The following SLC9A9 variants were observed in gnomAD, a reference collection of about 807,000 sequenced individuals.
The protein encoded by SLC9A9 is solute carrier family 9 member A9.
A neutral mutation model predicts 77.8 loss-of-function variants in SLC9A9; 62 were observed. The observed-to-expected ratio is 0.80, with a 90% CI of 0.65 to 0.98. The LOEUF is 0.98. Among genes scored for constraint, SLC9A9 ranks in the 50% least tolerant of loss-of-function variants. The pLI, the probability that SLC9A9 is intolerant of heterozygous loss-of-function variation, is 0.00. For synonymous variants in SLC9A9, 320 were observed against 283.5 expected, an observed-to-expected ratio of 1.13 and a Z score of -1.29; for missense variants, 775 against 774.9, an observed-to-expected ratio of 1.00 and a Z score of 0.00.
intron 14 of SLC9A9, among the ~76,000 whole-genome samples, chr3:143,358,786 C>T (rs2032659640): frequency 6.6e-6 from 1 of 152,182 alleles, no homozygotes; most frequent in South Asian, 2.1e-4. Context: ...TGATAGGTGG[C>T]TTTACAATTT....
At chr3:143,490,785 G>A (rs75196871) in intron 11 of SLC9A9, among the ~76,000 whole-genome samples, 1 of 152,180 alleles carries the variant, frequency 6.6e-6, no homozygotes, top group Non-Finnish European at 1.5e-5. Flanking sequence ...TCAGGAAGGT[G>A]TAAAGTGACT....
At chr3:143,701,817 A>T (rs1933809290) in intron 4 of SLC9A9, among the ~76,000 whole-genome samples, 1 of 152,222 alleles carries the variant, frequency 6.6e-6, no homozygotes, top group Non-Finnish European at 1.5e-5. Context: ...AGAATGTTAC[A>T]GAACACCAAG....
intron 12 of SLC9A9, among the ~76,000 whole-genome samples, chr3:143,453,037 T>C (rs942485035): frequency 2.0e-5 from 3 of 152,010 alleles, no homozygotes; most frequent in African/African-American, 4.8e-5. Flanking sequence ...AAGGCAAGAA[T>C]GCGAAGTGAG....
intron 4 of SLC9A9, among the ~76,000 whole-genome samples, chr3:143,704,995 A>ATTATCTATCTATC (rs1553782450): frequency 1.5e-4 from 17 of 116,034 alleles, no homozygotes; most frequent in Admixed American, 4.3e-4. Flanking sequence ...TCCATCTCAA[A>ATTATCTATCTATC]TATCTATCTA....
chr3:143,725,926 G>A (rs972856980), intron 4 of SLC9A9, among the ~76,000 whole-genome samples: 2 of 151,360 alleles, frequency 1.3e-5, no homozygotes, highest in Non-Finnish European at 2.9e-5. Flanking sequence ...TTGTGGAGTA[G>A]AAAAAGACTG....
intron 6 of SLC9A9, among the ~76,000 whole-genome samples, chr3:143,639,462 C>T (rs531524950): frequency 6.6e-6 from 1 of 152,260 alleles, no homozygotes; most frequent in South Asian, 2.1e-4. Flanking sequence ...TATTAAAGGA[C>T]ATTAGAGACA....
chr3:143,749,439 T>C (rs2006640593), intron 4 of SLC9A9, among the ~76,000 whole-genome samples: 1 of 152,204 alleles, frequency 6.6e-6, no homozygotes, highest in Non-Finnish European at 1.5e-5. Context: ...AAAAATTCCA[T>C]GTCTGGATAC....
At chr3:143,624,096 C>G (rs1028864935) in intron 6 of SLC9A9, among the ~76,000 whole-genome samples, 11 of 152,118 alleles carry the variant, frequency 7.2e-5, no homozygotes, top group Non-Finnish European at 1.5e-4. Context: ...AGACCAATAA[C>G]AGGCTCTGAA....
At chr3:143,810,792 C>T (rs760285391) in intron 2 of SLC9A9, among the ~76,000 whole-genome samples, 1 of 152,062 alleles carries the variant, frequency 6.6e-6, no homozygotes, top group Non-Finnish European at 1.5e-5. Context: ...TTTAACAACC[C>T]TCTTTTTGCT....
At chr3:143,603,547 A>T (rs2037878725) in intron 6 of SLC9A9, among the ~76,000 whole-genome samples, 1 of 152,228 alleles carries the variant, frequency 6.6e-6, no homozygotes, top group Admixed American at 6.5e-5. Flanking sequence ...GTGGCAAGAA[A>T]CTGAAGTTCT....
At chr3:143,278,456 C>A (rs1262759795) in intron 14 of SLC9A9, among the ~76,000 whole-genome samples, 1 of 152,148 alleles carries the variant, frequency 6.6e-6, no homozygotes, top group African/African-American at 2.4e-5. Flanking sequence ...CATAGGGCTG[C>A]CATAACAAAG....
intron 14 of SLC9A9, among the ~76,000 whole-genome samples, chr3:143,350,628 T>C (rs1160680140): frequency 6.6e-6 from 1 of 152,238 alleles, no homozygotes; most frequent in East Asian, 1.9e-4. Context: ...TGTTTGGTAT[T>C]TTCTAGTGTT....
At chr3:143,615,949 C>T (rs2038096926) in intron 6 of SLC9A9, among the ~76,000 whole-genome samples, 1 of 150,772 alleles carries the variant, frequency 6.6e-6, no homozygotes, top group Non-Finnish European at 1.5e-5. Context: ...GGCACAATCT[C>T]GGCTCACTGC....
chr3:143,361,212 T>G (rs563291368), intron 14 of SLC9A9, among the ~76,000 whole-genome samples: 1 of 152,260 alleles, frequency 6.6e-6, no homozygotes, highest in African/African-American at 2.4e-5. Flanking sequence ...TGTATGAAGT[T>G]ATATATTCTT....
At chr3:143,698,873 A>C (rs954019316) in intron 4 of SLC9A9, among the ~76,000 whole-genome samples, 2 of 152,224 alleles carry the variant, frequency 1.3e-5, no homozygotes, top group African/African-American at 2.4e-5. Context: ...ACCTTGTGAA[A>C]TAGGCCACTG....
At chr3:143,805,093 A>G (rs11919894) in intron 2 of SLC9A9, among the ~76,000 whole-genome samples, 25,121 of 152,240 alleles carry the variant, frequency 0.17, 2,187 homozygotes, top group South Asian at 0.29. Context: ...AATTACGCTG[A>G]ACCCCTTTGG....
chr3:143,663,019 T>G (rs773640326), intron 5 of SLC9A9, among the ~76,000 whole-genome samples: 14 of 152,172 alleles, frequency 9.2e-5, no homozygotes, highest in Non-Finnish European at 2.1e-4. Context: ...GTAGCCTAAC[T>G]GGGAGACACC....
At chr3:143,768,988 C>T (rs2007422732) in intron 4 of SLC9A9, among the ~76,000 whole-genome samples, 1 of 152,116 alleles carries the variant, frequency 6.6e-6, no homozygotes, top group African/African-American at 2.4e-5. Context: ...CAGGTTGCCC[C>T]ATTTGCATTT....
chr3:143,654,417 T>C (rs1251470428), intron 5 of SLC9A9, among the ~76,000 whole-genome samples: 1 of 152,214 alleles, frequency 6.6e-6, no homozygotes, highest in East Asian at 1.9e-4. Context: ...TCATGATAGG[T>C]AAAATGGCAG....
Sources: gnomAD v4.1 joint callset for allele counts (sites outside exome capture counted in the v4.1 genomes callset) on GRCh38, gnomAD v4.1.1 for gene constraint, MANE v1.5 for transcripts, NCBI Gene and HGNC (gene_info 2026-07-23, HGNC 2026-07-21) for gene names.